CCDC138: variants seen among roughly 807,000 people sequenced by gnomAD.
CCDC138 encodes the protein coiled-coil domain-containing protein 138.
CCDC138 carries 66 observed loss-of-function variants against 82.3 expected under a neutral mutation model. That is an observed-to-expected ratio of 0.80 (90% CI 0.66 to 0.98). The LOEUF (loss-of-function observed/expected upper bound fraction) is 0.98. Among genes scored for constraint, CCDC138 ranks in the 50% least tolerant of loss-of-function variants. The probability of loss-of-function intolerance (pLI) is 0.00; values close to 1 mark genes in which losing one functional copy is unlikely to be tolerated. For synonymous variants in CCDC138, 297 were observed against 265.4 expected, an observed-to-expected ratio of 1.12 and a Z score of -1.16; for missense variants, 816 against 758.9, an observed-to-expected ratio of 1.08 and a Z score of -0.88.
intron 10 of CCDC138, among the ~76,000 whole-genome samples, chr2:108,825,174 G>C (rs568038042): frequency 6.6e-6 from 1 of 152,112 alleles, no homozygotes; most frequent in South Asian, 2.1e-4. Flanking sequence ...GGAGGTGGGA[G>C]GATGTAAAGT....
At chr2:108,871,832 A>T (rs1287536852) in intron 13 of CCDC138, among the ~76,000 whole-genome samples, 2 of 152,074 alleles carry the variant, frequency 1.3e-5, no homozygotes, top group South Asian at 4.1e-4. Flanking sequence ...GTCATAGTTT[A>T]TCTTTTTACC....
chr2:108,844,822 A>G (rs1452783264), intron 11 of CCDC138, among the ~76,000 whole-genome samples: 1 of 147,460 alleles, frequency 6.8e-6, no homozygotes, highest in African/African-American at 2.5e-5. Context: ...ATCTCGGCTC[A>G]CTGCAACCTC....
At chr2:108,795,174 C>T (rs116732017) in intron 5 of CCDC138, among the ~76,000 whole-genome samples, 4,981 of 16,942 alleles carry the variant, frequency 0.29, 385 homozygotes, top group African/African-American at 0.42. Context: ...TTTTTTTTTG[C>T]GATGGAATCT....
At position 108,844,177 on chromosome 2, in the gene CCDC138, C is replaced by T. The variant is rs190335329; in HGVS notation, c.1324-2561C>T. On this transcript the variant is annotated intron_variant, in intron 11 of 14. Transcript: ENST00000295124. ...CCCCCAGTTTCTTCAAGTGCTTTTTCAGCCCTACCTGATTTTTCCTTTCCT... is the reference window on the plus strand; with the variant it reads ...CCCCCAGTTTCTTCAAGTGCTTTTTTAGCCCTACCTGATTTTTCCTTTCCT... Among the ~76,000 whole-genome samples, 175 of 152,094 alleles carry T rather than the reference C, an allele frequency of 1.2e-3. 1 individual carries two copies. The highest frequency in any genetic ancestry group is 4.1e-3 in the African/African-American group (171 of 41,496).
rs61201793 is a variant in CCDC138, at chr2:108,798,816, TACACAC to T, written c.735+262_735+267del. ...TTCCCTTCCTCCTCCTCTCCACACC[TACACAC>T]ACACACACACACACACACACACACA... is the stretch of plus-strand genomic sequence containing the variant. On this transcript the variant is annotated intron_variant, in intron 6 of 14. Coordinates refer to ENST00000295124, the MANE Select transcript of CCDC138 (RefSeq NM_144978.3). 4.0e-3 allele frequency among the ~76,000 whole-genome samples: 530 copies of T among 131,632 alleles called. 2 individuals are homozygous for T. Among genetic ancestry groups the T allele is most frequent in the African/African-American group, 0.012 (441 of 35,570 alleles). 86.4% of individuals were successfully genotyped at this position (131,632 alleles called of 152,430 possible).
intron 10 of CCDC138, among the ~76,000 whole-genome samples, chr2:108,820,710 A>C (rs1210191041): frequency 1.8e-5 from 1 of 55,970 alleles, no homozygotes; most frequent in Non-Finnish European, 3.2e-5. Context: ...AAAAAAAAAA[A>C]AAAAACAAAC....
chr2:108,825,306 A>G (rs1351304069), intron 10 of CCDC138, among the ~76,000 whole-genome samples: 1 of 152,072 alleles, frequency 6.6e-6, no homozygotes, highest in Admixed American at 6.5e-5. Context: ...TAACAGCTTT[A>G]TTGAGATATA....
intron 10 of CCDC138, among the ~76,000 whole-genome samples, chr2:108,817,560 G>C (rs777433809): frequency 6.6e-6 from 1 of 152,090 alleles, no homozygotes; most frequent in African/African-American, 2.4e-5. Flanking sequence ...CAAAGTGCTG[G>C]GATTACAGGC....
intron 12 of CCDC138, among the ~76,000 whole-genome samples, chr2:108,856,435 G>C (rs1692614795): frequency 6.6e-6 from 1 of 152,174 alleles, no homozygotes; most frequent in South Asian, 2.1e-4. Context: ...AGCTATTATA[G>C]AGATAGAAAT....
At chr2:108,856,743 T>C (rs1346062641) in intron 12 of CCDC138, 51 bp from the exon 13 acceptor site, 1 of 1,550,790 alleles carries the variant, frequency 6.4e-7, no homozygotes, top group South Asian at 1.2e-5. Flanking sequence ...TGTTTCTGAT[T>C]GACACCTAGA....
chr2:108,864,992 T>C (rs1574292519), intron 13 of CCDC138, among the ~76,000 whole-genome samples: 1 of 151,930 alleles, frequency 6.6e-6, no homozygotes, highest in South Asian at 2.1e-4. Flanking sequence ...CATTCACATA[T>C]CTCATAATTT....
chr2:108,870,750 C>T (rs1351813582), intron 13 of CCDC138, among the ~76,000 whole-genome samples: 5 of 152,238 alleles, frequency 3.3e-5, no homozygotes, highest in African/African-American at 1.2e-4. Flanking sequence ...TTCTATGATT[C>T]CTCTTATATG....
downstream of CCDC138, among the ~76,000 whole-genome samples, chr2:108,876,752 A>C (rs1696048693): frequency 6.6e-6 from 1 of 152,146 alleles, no homozygotes; most frequent in African/African-American, 2.4e-5. Context: ...GGGATAGAAA[A>C]AGTTTTTTAT....
At position 108,829,444 on chromosome 2, in the gene CCDC138, T is replaced by G. The variant is rs371738245; in HGVS notation, c.1207-9741T>G. On this transcript the variant is annotated intron_variant, in intron 10 of 14. Transcript: ENST00000295124. ...CCACAGTAAGATACCACTTAACACC[T>G]ATTAGAATGTTTATTTAAAAAATAA... Among the ~76,000 whole-genome samples, 6 of 152,156 alleles carry G rather than the reference T, an allele frequency of 3.9e-5. No homozygotes were observed. The East Asian group carries it at 5.8e-4, about 15-fold the overall frequency.
intron 10 of CCDC138, among the ~76,000 whole-genome samples, chr2:108,836,417 G>C (rs80303430): frequency 0.02 from 3,035 of 152,194 alleles, 99 homozygotes; most frequent in African/African-American, 0.07. Flanking sequence ...ATAGATATTT[G>C]GGCAGCTACC....
At chr2:108,805,797 A>T (rs1033342362) in intron 7 of CCDC138, among the ~76,000 whole-genome samples, 2 of 152,144 alleles carry the variant, frequency 1.3e-5, no homozygotes, top group Non-Finnish European at 1.5e-5. Context: ...TTTGTGAGTT[A>T]TGTCTATTTT....
intron 5 of CCDC138, among the ~76,000 whole-genome samples, chr2:108,795,150 A>T (rs904918067): frequency 4.2e-3 from 357 of 84,876 alleles, no homozygotes; most frequent in Admixed American, 8.4e-3. Context: ...TCTAAAGTGT[A>T]TTTTTTTTTT....
intron 10 of CCDC138, among the ~76,000 whole-genome samples, chr2:108,832,535 C>T (rs982568588): frequency 4.0e-5 from 6 of 151,886 alleles, no homozygotes; most frequent in East Asian, 1.9e-4. Context: ...TTAGTAGAGA[C>T]GGGGTTTCTC....
At chr2:108,789,748 A>G (rs771464286) in intron 3 of CCDC138, among the ~76,000 whole-genome samples, 4 of 152,206 alleles carry the variant, frequency 2.6e-5, no homozygotes, top group Non-Finnish European at 5.9e-5. Flanking sequence ...ACTACAGGGT[A>G]TGTAGGATAC....
Sources: gnomAD v4.1 joint callset for allele counts (sites outside exome capture counted in the v4.1 genomes callset) on GRCh38, gnomAD v4.1.1 for gene constraint, MANE v1.5 for transcripts, NCBI Gene and HGNC (gene_info 2026-07-23, HGNC 2026-07-21) for gene names.